CPVL: variants seen among roughly 807,000 people sequenced by gnomAD.
The protein encoded by CPVL is carboxypeptidase vitellogenic like, also known as probable serine carboxypeptidase CPVL.
In CPVL, 51 loss-of-function variants were observed where a neutral mutation model predicts 63.7. That is an observed-to-expected ratio of 0.80 (90% CI 0.64 to 1.01). The LOEUF (loss-of-function observed/expected upper bound fraction) is 1.01. Among genes scored for constraint, CPVL ranks in the 50% least tolerant of loss-of-function variants. The probability of loss-of-function intolerance (pLI) is 0.00; values close to 1 mark genes in which losing one functional copy is unlikely to be tolerated. For synonymous variants in CPVL, 195 were observed against 206.0 expected, an observed-to-expected ratio of 0.95 and a Z score of 0.46; for missense variants, 530 against 573.1, an observed-to-expected ratio of 0.92 and a Z score of 0.77.
At chr7:29,188,175 T>C (rs1018699568) in intron 1 of CPVL, among the ~76,000 whole-genome samples, 4 of 152,358 alleles carry the variant, frequency 2.6e-5, no homozygotes, top group African/African-American at 4.8e-5. Context: ...AGAGGCCACC[T>C]AGAGTTCCTA....
At chr7:29,002,301 C>T (rs954973479) in intron 12 of CPVL, among the ~76,000 whole-genome samples, 1 of 152,134 alleles carries the variant, frequency 6.6e-6, no homozygotes. Context: ...AAGACAATGC[C>T]TTGGAAGTAA....
intron 12 of CPVL, chr7:29,012,900 G>T (rs1785994805): frequency 6.6e-6 from 1 of 152,138 alleles, no homozygotes; most frequent in Admixed American, 6.5e-5. Flanking sequence ...TAAAATCAGG[G>T]TATCTACAGA....
intron 5 of CPVL, among the ~76,000 whole-genome samples, chr7:29,158,683 A>G (rs1258083362): frequency 3.3e-5 from 5 of 152,350 alleles, no homozygotes; most frequent in South Asian, 2.1e-4. Context: ...GTCATTAGAC[A>G]TGGCCGTAGA....
chr7:29,120,885 T>C lies in CPVL; in HGVS notation c.169+8A>G. ...CAGTGGTTTTCTGATTTAATTAAAC[T>C]TACTTACCTTTTTGGATCTTCCCAG... On this transcript the variant is annotated splice_region_variant and intron_variant, in intron 2 of 12. Transcript: ENST00000265394. The C allele has an allele frequency of 6.2e-7, 1 of 1,606,596 alleles. No homozygotes were observed. The highest frequency in any genetic ancestry group is 8.5e-7 in the Non-Finnish European group (1 of 1,175,496).
intron 12 of CPVL, among the ~76,000 whole-genome samples, chr7:29,015,418 T>G (rs317695): frequency 0.46 from 69,264 of 151,980 alleles, 17,474 homozygotes; most frequent in African/African-American, 0.68. Flanking sequence ...GAATGGTGCT[T>G]TCCCCACCAT....
chr7:29,067,856 A>T (rs1783287381), intron 9 of CPVL, among the ~76,000 whole-genome samples: 1 of 152,110 alleles, frequency 6.6e-6, no homozygotes, highest in African/African-American at 2.4e-5. Flanking sequence ...AATGTCAGAG[A>T]TGAGATGATT....
At chr7:29,140,472 G>A (rs1430713443) in intron 1 of CPVL, among the ~76,000 whole-genome samples, 1 of 152,190 alleles carries the variant, frequency 6.6e-6, no homozygotes, top group African/African-American at 2.4e-5. Context: ...CTAGCAAAGA[G>A]AGACATGCAT....
At chr7:29,054,090 A>ACAAAC (rs1478575439) in intron 11 of CPVL, among the ~76,000 whole-genome samples, 6 of 152,028 alleles carry the variant, frequency 3.9e-5, no homozygotes, top group African/African-American at 1.4e-4. Flanking sequence ...ACAAAACAAA[A>ACAAAC]CAAACAAAAT....
intron 3 of CPVL, among the ~76,000 whole-genome samples, chr7:29,107,821 T>C (rs1787869779): frequency 6.6e-6 from 1 of 152,242 alleles, no homozygotes; most frequent in South Asian, 2.1e-4. Context: ...AGTTCAGATG[T>C]GCAGATGAGG....
At chr7:29,109,257 T>C (rs1788020152) in intron 3 of CPVL, among the ~76,000 whole-genome samples, 1 of 152,210 alleles carries the variant, frequency 6.6e-6, no homozygotes, top group South Asian at 2.1e-4. Flanking sequence ...CACTGATTTG[T>C]ATACAATAAC....
chr7:29,164,885 G>A (rs557166263), intron 5 of CPVL, among the ~76,000 whole-genome samples: 20 of 151,528 alleles, frequency 1.3e-4, no homozygotes, highest in African/African-American at 4.1e-4. Flanking sequence ...AAACTTTCTA[G>A]AGTGTTCCAT....
At chr7:29,173,949 C>CAAA (rs74313059) in intron 5 of CPVL, among the ~76,000 whole-genome samples, 1 of 115,818 alleles carries the variant, frequency 8.6e-6, no homozygotes, top group Non-Finnish European at 1.8e-5. Context: ...GAGACTGACT[C>CAAA]AAAAAAAAAA....
chr7:29,135,325 AT>A (rs1008692781), intron 1 of CPVL, among the ~76,000 whole-genome samples: 1 of 150,346 alleles, frequency 6.7e-6, no homozygotes, highest in African/African-American at 2.4e-5. Context: ...AAAAGCCAAA[AT>A]TGTATTAGAT....
chr7:29,185,185 C>G (rs1392136265), intron 3 of CPVL, among the ~76,000 whole-genome samples: 3 of 152,178 alleles, frequency 2.0e-5, no homozygotes, highest in Non-Finnish European at 4.4e-5. Context: ...TTCTAATCTT[C>G]TTTATGATTG....
chr7:29,162,586 G>A (rs903985496), intron 5 of CPVL, among the ~76,000 whole-genome samples: 21 of 151,596 alleles, frequency 1.4e-4, no homozygotes, highest in Admixed American at 1.2e-3. Context: ...ACTTGAACCC[G>A]GAAGGCGGAA....
At chr7:29,062,694 C>T (rs1034982731) in intron 11 of CPVL, among the ~76,000 whole-genome samples, 3 of 152,170 alleles carry the variant, frequency 2.0e-5, no homozygotes, top group Non-Finnish European at 4.4e-5. Flanking sequence ...TCCTAAGACA[C>T]ACCATTCCTA....
chr7:29,026,777 C>A (rs1484785123), intron 12 of CPVL, among the ~76,000 whole-genome samples: 2 of 151,958 alleles, frequency 1.3e-5, no homozygotes, highest in Non-Finnish European at 2.9e-5. Flanking sequence ...TACAGCCTAC[C>A]AAGATTGAAC....
At chr7:29,161,221 G>A (rs1795135650) in intron 5 of CPVL, among the ~76,000 whole-genome samples, 1 of 152,110 alleles carries the variant, frequency 6.6e-6, no homozygotes, top group African/African-American at 2.4e-5. Context: ...GCACATGAGG[G>A]TTTGTGCAGG....
intron 11 of CPVL, among the ~76,000 whole-genome samples, chr7:29,059,161 T>C (rs1463620003): frequency 2.0e-5 from 3 of 152,160 alleles, no homozygotes; most frequent in Non-Finnish European, 4.4e-5. Context: ...CATGCTACTC[T>C]TAGCTCAGCT....
Sources: gnomAD v4.1 joint callset for allele counts (sites outside exome capture counted in the v4.1 genomes callset) on GRCh38, gnomAD v4.1.1 for gene constraint, MANE v1.5 for transcripts, NCBI Gene and HGNC (gene_info 2026-07-23, HGNC 2026-07-21) for gene names.